The following UTRN variants were observed in gnomAD, a reference collection of about 807,000 sequenced individuals.
UTRN encodes utrophin.
UTRN carries 283 observed loss-of-function variants against 463.9 expected under a neutral mutation model. The observed-to-expected ratio is 0.61, with a 90% CI of 0.55 to 0.67. The LOEUF is 0.67. UTRN is among the 30% of genes least tolerant of loss of function. The pLI is 0.00. For synonymous variants in UTRN, 1,442 were observed against 1,431.5 expected (o/e 1.01, Z -0.17); for missense variants, 3,922 against 4,084.3 (o/e 0.96, Z 1.08).
intron 51 of UTRN, among the ~76,000 whole-genome samples, chr6:144,611,672 C>A (rs1349180389): frequency 6.6e-6 from 1 of 152,010 alleles, no homozygotes; most frequent in Non-Finnish European, 1.5e-5. Flanking sequence ...TGTGTACTGA[C>A]AACTATAAAA....
At chr6:144,675,121 G>A (rs920483268) in intron 51 of UTRN, among the ~76,000 whole-genome samples, 1 of 152,144 alleles carries the variant, frequency 6.6e-6, no homozygotes, top group African/African-American at 2.4e-5. Context: ...ACGGGCTACT[G>A]TTCAGATTCT....
intron 2 of UTRN, among the ~76,000 whole-genome samples, chr6:144,295,031 G>A (rs750869561): frequency 5.3e-4 from 80 of 152,262 alleles, no homozygotes; most frequent in Middle Eastern, 3.4e-3. Context: ...TAACTTAAAA[G>A]CACATATGCC....
chr6:144,495,368 C>A (rs1360545359), intron 33 of UTRN, among the ~76,000 whole-genome samples: 1 of 152,254 alleles, frequency 6.6e-6, no homozygotes, highest in Non-Finnish European at 1.5e-5. Context: ...GGACCCAGTA[C>A]ACCCTCCACA....
intron 51 of UTRN, among the ~76,000 whole-genome samples, chr6:144,586,987 T>A (rs1802527719): frequency 6.6e-6 from 1 of 152,216 alleles, no homozygotes; most frequent in Non-Finnish European, 1.5e-5. Flanking sequence ...AACATCTAGC[T>A]GTATATAGAT....
intron 1 of UTRN, among the ~76,000 whole-genome samples, chr6:144,288,753 TC>T (rs1463061401): frequency 7.1e-4 from 105 of 148,414 alleles, no homozygotes; most frequent in African/African-American, 2.5e-3. Flanking sequence ...TCTCTCTCTC[TC>T]TCTTTTTTTT....
At chr6:144,635,188 C>T (rs1303582491) in intron 51 of UTRN, among the ~76,000 whole-genome samples, 2 of 126,270 alleles carry the variant, frequency 1.6e-5, no homozygotes, top group Admixed American at 9.7e-5. Context: ...TTTACTGTGT[C>T]ACCCAGGCTA....
chr6:144,580,371 T>C (rs1377340508), intron 51 of UTRN, among the ~76,000 whole-genome samples: 7 of 152,182 alleles, frequency 4.6e-5, no homozygotes, highest in African/African-American at 1.7e-4. Context: ...TCATGTCTTA[T>C]GACAACCAGA....
At position 144,462,831 on chromosome 6, in the gene UTRN, C is replaced by A; in HGVS notation, c.3031C>A (p.Leu1011Ile). Residue 1011 changes from leucine (L) to isoleucine (I), a missense_variant, in exon 23 of 75, where the codon CTT (leucine) becomes ATT (isoleucine). Physicochemically the swap from Leu to Ile is conservative, Grantham distance 5. This residue lies in a region of UTRN where 2,349 missense variants were observed against 2,303.8 expected (regional missense o/e 1.02). Transcript: ENST00000367545. ...KVLVSKDLHLLEEIALTLRAF... is the reference protein window; with the variant it reads ...KVLVSKDLHLIEEIALTLRAF... ...CTTGGTTTCCAAAGATCTACATTTG[C>A]TTGAGGAAATTGCTCTCACACTCAG... is the stretch of plus-strand genomic sequence containing the variant. 6.2e-7 allele frequency: 1 copy of A among 1,607,056 alleles called. No individual in the cohort carries two copies. Among genetic ancestry groups the A allele is most frequent in the South Asian group, 1.1e-5 (1 of 88,372 alleles).
chr6:144,390,275 G>T (rs761835443), intron 2 of UTRN, among the ~76,000 whole-genome samples: 3 of 152,040 alleles, frequency 2.0e-5, no homozygotes, highest in Non-Finnish European at 4.4e-5. Context: ...AATACCTATT[G>T]CATCCACCTC....
rs1004642492 is a variant in UTRN at position 144,836,209 on chromosome 6, C to G, written c.9825-92C>G. 3.0e-5 allele frequency: 47 copies of G among 1,569,580 alleles called. No individual in the cohort carries two copies. The African/African-American group carries it at 5.7e-4, about 19-fold the overall frequency. ...AATACACATTTTTATATAAGAGGAACTAGCATGAGCTAAATTTGAACCTCA... is the reference window on the plus strand; with the variant it reads ...AATACACATTTTTATATAAGAGGAAGTAGCATGAGCTAAATTTGAACCTCA... On this transcript the variant is annotated intron_variant, in intron 70 of 74. Coordinates refer to ENST00000367545, the MANE Select transcript of UTRN (RefSeq NM_007124.3).
chr6:144,732,257 T>TACATATATATATATATAC (rs1788702354), intron 54 of UTRN, among the ~76,000 whole-genome samples: 2 of 85,506 alleles, frequency 2.3e-5, no homozygotes, highest in Admixed American at 1.2e-4. Context: ...TATATATATA[T>TACATATATATATATATAC]ACACACATAT....
intron 2 of UTRN, among the ~76,000 whole-genome samples, chr6:144,364,722 A>G (rs999129759): frequency 6.6e-6 from 1 of 152,242 alleles, no homozygotes; most frequent in African/African-American, 2.4e-5. Flanking sequence ...TTACTGAGCT[A>G]AAATGAAGGT....
At chr6:144,377,700 G>C (rs1331733584) in intron 2 of UTRN, among the ~76,000 whole-genome samples, 2 of 152,160 alleles carry the variant, frequency 1.3e-5, no homozygotes, top group African/African-American at 4.8e-5. Flanking sequence ...CACAGAGTCG[G>C]CTGGCTCCCA....
At chr6:144,598,876 G>C (rs563430366) in intron 51 of UTRN, among the ~76,000 whole-genome samples, 15 of 152,144 alleles carry the variant, frequency 9.9e-5, no homozygotes, top group Non-Finnish European at 1.9e-4. Context: ...CCCAGAGGAG[G>C]GATCCATTCA....
chr6:144,403,281 ACCT>A, intron 3 of UTRN, 97 bp downstream of exon 3: 2 of 1,048,744 alleles, frequency 1.9e-6, no homozygotes, highest in Non-Finnish European at 2.9e-6. Flanking sequence ...AGGAAATGTC[ACCT>A]AGCCGAAGTC....
At chr6:144,327,228 G>A (rs961902370) in intron 2 of UTRN, among the ~76,000 whole-genome samples, 1 of 152,116 alleles carries the variant, frequency 6.6e-6, no homozygotes, top group South Asian at 2.1e-4. Context: ...GAGGAGGGGT[G>A]CCAGGATCAT....
chr6:144,370,341 G>C (rs564087252), intron 2 of UTRN, among the ~76,000 whole-genome samples: 1 of 152,210 alleles, frequency 6.6e-6, no homozygotes, highest in African/African-American at 2.4e-5. Context: ...AGGGGCCAAC[G>C]TATAGCTCAG....
chr6:144,803,261 A>AT (rs71673559), intron 65 of UTRN, 114 bp downstream of exon 65: 1,422 of 615,962 alleles, frequency 2.3e-3, no homozygotes, highest in Middle Eastern at 4.2e-3. Flanking sequence ...CACTTTGAAG[A>AT]TTTTTTTTTT....
Position 144,634,496 on chromosome 6 carries a change from T to C in UTRN, c.7480-43910T>C, listed in dbSNP as rs142142880. On this transcript the variant is annotated intron_variant, in intron 51 of 74. Coordinates refer to ENST00000367545, the MANE Select transcript of UTRN (RefSeq NM_007124.3). Reference sequence around the variant, plus strand: ...TGGCTCAGGATTAGGGTTTATGAGGTTAAGATTAACGGAGACAATAGAAGA... The same window carrying C: ...TGGCTCAGGATTAGGGTTTATGAGGCTAAGATTAACGGAGACAATAGAAGA... Among the ~76,000 whole-genome samples, 258 of 152,344 alleles carry C rather than the reference T, an allele frequency of 1.7e-3. 1 individual carries two copies. The highest frequency in any genetic ancestry group is 5.9e-3 in the African/African-American group (244 of 41,578).
Sources: allele counts gnomAD v4.1 joint callset (sites outside exome capture counted in the v4.1 genomes callset), GRCh38; gene constraint gnomAD v4.1.1; regional missense constraint gnomAD v4.1.1; transcripts MANE v1.5; gene names NCBI Gene and HGNC (gene_info 2026-07-23, HGNC 2026-07-21).